ACOT7: variants seen among roughly 807,000 people sequenced by gnomAD.
ACOT7 encodes cytosolic acyl coenzyme A thioester hydrolase.
Under a neutral mutation model 40.2 loss-of-function variants are expected in ACOT7, and 12 were observed. The ratio of observed to expected loss-of-function variants is 0.30; its 90% CI spans 0.19 to 0.48. The LOEUF is 0.48. ACOT7 is among the 20% of genes least tolerant of loss of function. The pLI, the probability that ACOT7 is intolerant of heterozygous loss-of-function variation, is 0.99. For missense variants in ACOT7, 395 were observed against 530.8 expected (o/e 0.74, Z 2.51); for synonymous variants, 228 against 219.5 (o/e 1.04, Z -0.34).
chr1:6,372,797 G>A (rs549398815), intron 1 of ACOT7, among the ~76,000 whole-genome samples: 52 of 152,180 alleles, frequency 3.4e-4, no homozygotes, highest in Middle Eastern at 3.4e-3. Flanking sequence ...TGATCCAACC[G>A]CCTCAGCCTC....
intron 2 of ACOT7, 67 bp from the exon 3 acceptor site, chr1:6,339,656 A>G: frequency 6.4e-7 from 1 of 1,564,668 alleles, no homozygotes; most frequent in South Asian, 1.2e-5. Flanking sequence ...CACCCAGGAC[A>G]TGCCCCCTGG....
Position 6,393,306 on chromosome 1 carries a change from T to C in ACOT7, c.94A>G (p.Ser32Gly). 2.3e-6 allele frequency: 3 copies of C among 1,282,746 alleles called. No individual in the cohort carries two copies. The highest frequency in any genetic ancestry group is 2.3e-4 in the Middle Eastern group (1 of 4,440). 79.5% of individuals were successfully genotyped at this position (1,282,746 alleles called of 1,614,324 possible). The stretch of plus-strand genomic sequence containing the variant: ...GTCTCGACGTCTGGGCCCGACATGC[T>C]GGGGGCTGCGGCGGCGGATGCGGCG... ...PPAASAAAAPSMSGPDVETPS... is the reference protein window; with the variant it reads ...PPAASAAAAPGMSGPDVETPS... The change falls in exon 1 of 9, where the codon AGC becomes GGC. Residue 32 changes from serine to glycine, a missense_variant. By Grantham distance (56) the Ser-to-Gly change is moderately conservative (BLOSUM62 0). This residue lies in a region of ACOT7 where 86 missense variants were observed against 60.5 expected (regional missense o/e 1.42). Transcript: ENST00000361521.
rs935700455 is a variant in ACOT7, at chr1:6,332,591, G to A, written c.510+886C>T. Among the ~76,000 whole-genome samples, 8 of 152,210 alleles carry A rather than the reference G, an allele frequency of 5.3e-5. No homozygotes were observed. The East Asian group carries it at 1.5e-3, about 29-fold the overall frequency. On this transcript the variant is annotated intron_variant, in intron 4 of 8. Coordinates refer to ENST00000361521, the MANE Select transcript of ACOT7 (RefSeq NM_007274.4). ...AGCACTTTGGGAGGCCGAGGTGGGT[G>A]GATCATGAGGTCAGGAGATCAAGAC...
intron 2 of ACOT7, among the ~76,000 whole-genome samples, chr1:6,342,139 T>G (rs915539930): frequency 6.6e-6 from 1 of 152,182 alleles, no homozygotes; most frequent in African/African-American, 2.4e-5. Context: ...CTTGGGTCAT[T>G]CCAAGATCAG....
At chr1:6,269,411 T>C (rs1638957054) in intron 8 of ACOT7, among the ~76,000 whole-genome samples, 1 of 151,820 alleles carries the variant, frequency 6.6e-6, no homozygotes, top group African/African-American at 2.4e-5. Context: ...GCGGGGGCCC[T>C]GCCCTGCCCT....
chr1:6,333,538 A>G lies in ACOT7; in HGVS notation c.449T>C (p.Leu150Pro), dbSNP rs752520152. The change falls in exon 4 of 9, where the codon CTG becomes CCG. Residue 150 changes from leucine (L) to proline (P), a missense_variant. Around this residue, in one of 2 missense-constraint regions of ACOT7, gnomAD observed 309 missense variants for 470.3 expected, o/e 0.66. Transcript: ENST00000361521. ...CTTCAGCGACAGGGGCACATACCACAGGGTGGCCTTATTGGTCAGCTTTTT... is the reference window on the plus strand; with the variant it reads ...CTTCAGCGACAGGGGCACATACCACGGGGTGGCCTTATTGGTCAGCTTTTT... Reference protein sequence around the residue: ...GAKKLTNKATLWYVPLSLKNV... With the variant: ...GAKKLTNKATPWYVPLSLKNV... 4 of 1,614,114 alleles carry G rather than the reference A, an allele frequency of 2.5e-6. No homozygotes were observed.
intron 1 of ACOT7, among the ~76,000 whole-genome samples, chr1:6,384,437 G>A (rs1263764029): frequency 1.3e-5 from 2 of 151,822 alleles, no homozygotes; most frequent in East Asian, 3.8e-4. Context: ...AGCCACTTTG[G>A]AAACAGTCTG....
At chr1:6,350,243 G>C (rs1641553213) in intron 1 of ACOT7, among the ~76,000 whole-genome samples, 1 of 152,186 alleles carries the variant, frequency 6.6e-6, no homozygotes, top group Non-Finnish European at 1.5e-5. Context: ...CACAGACTGT[G>C]ACCCTAGGAG....
rs1486956499 is a variant in ACOT7 at position 6,281,243 on chromosome 1, A to C, written c.873T>G (p.Asn291Lys). ...TISGRMTFTSNKSMEIEVLVD... is the reference protein window; with the variant it reads ...TISGRMTFTSKKSMEIEVLVD... Reference sequence around the variant, plus strand: ...CCAACACCTCGATCTCCATGGACTTATTGCTCGTGAAGGTCATGCGTCCCG... The same window carrying C: ...CCAACACCTCGATCTCCATGGACTTCTTGCTCGTGAAGGTCATGCGTCCCG... The change falls in exon 8 of 9, where the codon AAT becomes AAG. Residue 291 changes from asparagine to lysine, a missense_variant. By Grantham distance (94) the Asn-to-Lys change is moderately conservative (BLOSUM62 0). Coordinates refer to ENST00000361521, the MANE Select transcript of ACOT7 (RefSeq NM_007274.4). 1 of 1,613,298 alleles carries C rather than the reference A, an allele frequency of 6.2e-7. No homozygotes were observed. The highest frequency in any genetic ancestry group is 2.2e-5 in the East Asian group (1 of 44,822).
intron 1 of ACOT7, among the ~76,000 whole-genome samples, chr1:6,391,886 A>G (rs1642538635): frequency 6.6e-6 from 1 of 151,610 alleles, no homozygotes; most frequent in Admixed American, 6.6e-5. Flanking sequence ...CCCAGCCAAT[A>G]CTCAGCAGAG....
intron 5 of ACOT7, among the ~76,000 whole-genome samples, chr1:6,325,808 T>C (rs1640782974): frequency 6.6e-6 from 1 of 152,188 alleles, no homozygotes; most frequent in Non-Finnish European, 1.5e-5. Flanking sequence ...CCTTTGGTGC[T>C]TATGTGGACT....
Position 6,264,627 on chromosome 1 carries a change from C to T in ACOT7, c.1083G>A (p.Lys361=). Residue 361 remains lysine (K), a synonymous_variant, in exon 9 of 9, where the codon AAG becomes AAA. Coordinates refer to ENST00000361521, the MANE Select transcript of ACOT7 (RefSeq NM_007274.4). ...GCTGAGGCTCCGCGTGGCCCTGTCG[C>T]TTCGCCTTCATCTGCAGGTACCGCC... ...GKGRYLQMKA[K]RQGHAEPQP is the part of the protein sequence containing the mutation. 6.2e-7 allele frequency: 1 copy of T among 1,613,250 alleles called. No individual in the cohort carries two copies. Among genetic ancestry groups the T allele is most frequent in the African/African-American group, 1.3e-5 (1 of 75,070 alleles).
chr1:6,326,985 TACAACA>T (rs953753968), intron 5 of ACOT7, among the ~76,000 whole-genome samples: 4 of 150,356 alleles, frequency 2.7e-5, no homozygotes, highest in Non-Finnish European at 4.4e-5. Context: ...AAGGAAAAGA[TACAACA>T]AAAACAAATT....
rs1473722592 is a variant in ACOT7, at chr1:6,352,265, C to T, written c.144-2399G>A. 7 of 152,800 alleles carry T rather than the reference C, an allele frequency of 4.6e-5. No individual in the cohort carries two copies. The highest frequency in any genetic ancestry group is 3.9e-4 in the Admixed American group (6 of 15,290). The allele number at this position is 152,800 out of a possible 1,614,324, so 9.5% of individuals were successfully genotyped here. A position where few individuals can be genotyped will look rare whatever the true frequency, so the allele number is the denominator to read the frequency against. On this transcript the variant is annotated intron_variant, in intron 1 of 8. Coordinates refer to ENST00000361521, the MANE Select transcript of ACOT7 (RefSeq NM_007274.4). This position sits in a 1 kb window ranked among gnomAD's most constrained non-coding sequence, Gnocchi z 4.5. ...CCAAATCAGACACCTTCCCTCCAAG[C>T]CAGGGCAGCCAGTGAGTCCCAGCCT...
intron 1 of ACOT7, among the ~76,000 whole-genome samples, chr1:6,365,220 C>G (rs1191253813): frequency 6.6e-6 from 1 of 152,130 alleles, no homozygotes; most frequent in Non-Finnish European, 1.5e-5. Context: ...ACCAGAGAAG[C>G]AGAGGGCCTC....
At chr1:6,375,953 A>G (rs6685893) in intron 1 of ACOT7, among the ~76,000 whole-genome samples, 11 of 130,150 alleles carry the variant, frequency 8.5e-5, no homozygotes, top group Non-Finnish European at 1.3e-4. Context: ...AAAAAAAAAA[A>G]TTTTTTTAAA....
Position 6,358,417 on chromosome 1 carries a change from C to CT in ACOT7, c.144-8552_144-8551insA. 6.6e-6 allele frequency among the ~76,000 whole-genome samples: 1 copy of CT among 150,746 alleles called. No individual in the cohort carries two copies. The highest frequency in any genetic ancestry group is 2.1e-4 in the South Asian group (1 of 4,828). On this transcript the variant is annotated intron_variant, in intron 1 of 8. Transcript: ENST00000361521. This position sits in a 1 kb window ranked among gnomAD's most constrained non-coding sequence, Gnocchi z 4.1. ...GGAGGCTCCTTGTGCAGCCCACAGA[C>CT]CCCCCCTCCACCGCAGGTAGGAAGC...
At chr1:6,268,429 T>C (rs1638917372) in intron 8 of ACOT7, among the ~76,000 whole-genome samples, 1 of 152,216 alleles carries the variant, frequency 6.6e-6, no homozygotes, top group Non-Finnish European at 1.5e-5. Flanking sequence ...AAAAACTAAC[T>C]AGACCTAGAT....
At chr1:6,302,850 C>T (rs188907104) in intron 6 of ACOT7, among the ~76,000 whole-genome samples, 2 of 152,110 alleles carry the variant, frequency 1.3e-5, no homozygotes, top group East Asian at 1.9e-4. Context: ...TCGTGTCCTG[C>T]GTGTAAAGAC....
Sources: gnomAD v4.1 joint callset for allele counts (sites outside exome capture counted in the v4.1 genomes callset) on GRCh38, gnomAD v4.1.1 for gene constraint, gnomAD v4.1.1 regional missense constraint, Gnocchi (gnomAD v3.1) non-coding constraint, MANE v1.5 for transcripts, NCBI Gene and HGNC (gene_info 2026-07-23, HGNC 2026-07-21) for gene names.